CEP85L: variants seen among roughly 807,000 people sequenced by gnomAD.
The protein encoded by CEP85L is centrosomal protein of 85 kDa-like.
A neutral mutation model predicts 100.3 loss-of-function variants in CEP85L; 60 were observed. The ratio of observed to expected loss-of-function variants is 0.60; its 90% CI spans 0.49 to 0.74. The LOEUF (loss-of-function observed/expected upper bound fraction) is 0.74, where lower values mean the gene tolerates loss of function less well. CEP85L is among the 30% of genes least tolerant of loss of function. The pLI is 0.00. For missense variants in CEP85L, 973 were observed against 936.2 expected (o/e 1.04, Z -0.51); for synonymous variants, 319 against 322.7 (o/e 0.99, Z 0.12).
Position 118,461,082 on chromosome 6 carries a change from T to C in CEP85L, c.*4323A>G, listed in dbSNP as rs1473833951. The C allele has an allele frequency of 6.6e-6, 1 of 151,700 alleles. No homozygotes were observed. The highest frequency in any genetic ancestry group is 1.5e-5 in the Non-Finnish European group (1 of 67,924). The allele number at this position is 151,700 out of a possible 1,614,324, so 9.4% of individuals were successfully genotyped here. A position where few individuals can be genotyped will look rare whatever the true frequency, so the allele number is the denominator to read the frequency against. ...AAGTCATGAACACTGTATTTACACA[T>C]GAGGTATTCTGGGTGGTTCAAAAAC... On this transcript the variant is annotated 3_prime_UTR_variant, in exon 13 of 13. Coordinates refer to ENST00000368491, the MANE Select transcript of CEP85L (RefSeq NM_001042475.3).
chr6:118,659,214 A>C (rs971958878), intron 1 of CEP85L, among the ~76,000 whole-genome samples: 12 of 152,198 alleles, frequency 7.9e-5, no homozygotes, highest in Non-Finnish European at 1.8e-4. Flanking sequence ...GCTCACACGG[A>C]ATATGAGATG....
intron 1 of CEP85L, among the ~76,000 whole-genome samples, chr6:118,695,067 T>C (rs1251885342): frequency 6.6e-6 from 1 of 152,206 alleles, no homozygotes; most frequent in African/African-American, 2.4e-5. Context: ...TTCCTTCTAA[T>C]CATTAGAAGC....
At position 118,663,577 on chromosome 6, in the gene CEP85L, G is replaced by T. The variant is rs9374743; in HGVS notation, c.-27-10769C>A. On this transcript the variant is annotated intron_variant, in intron 1 of 13. Transcript: ENST00000368488. ...TTAGGAAGAAACAGCCTAAAGTAAT[G>T]AGTACAGAATTTGTGTCAAAATGAT... Among the ~76,000 whole-genome samples, 14 of 152,296 alleles carry T rather than the reference G, an allele frequency of 9.2e-5. No individual in the cohort carries two copies. The East Asian group carries it at 2.7e-3, about 29-fold the overall frequency.
At chr6:118,480,588 T>G in intron 8 of CEP85L, 75 bp from the exon 9 acceptor site, 1 of 886,430 alleles carries the variant, frequency 1.1e-6, no homozygotes, top group Non-Finnish European at 1.8e-6. Context: ...ACATAAATGA[T>G]TATTGCTTTA....
chr6:118,502,023 A>T, intron 5 of CEP85L: 1 of 839,002 alleles, frequency 1.2e-6, no homozygotes, highest in South Asian at 1.5e-5. Context: ...AATTTGAAAG[A>T]AGAAAACCAG....
chr6:118,579,253 G>A (rs542344211), intron 2 of CEP85L, among the ~76,000 whole-genome samples: 1 of 146,614 alleles, frequency 6.8e-6, no homozygotes, highest in African/African-American at 2.5e-5. Flanking sequence ...TCTCTAGCCA[G>A]ATTACTGCCA....
At chr6:118,537,634 T>C in intron 3 of CEP85L, 1 of 985,384 alleles carries the variant, frequency 1.0e-6, no homozygotes, top group Non-Finnish European at 1.2e-6. Flanking sequence ...TATGAAAAGT[T>C]GCCAAAATAT....
At chr6:118,491,586 A>G (rs550572793) in intron 6 of CEP85L, 100 bp downstream of exon 6, 3 of 1,495,440 alleles carry the variant, frequency 2.0e-6, no homozygotes, top group Non-Finnish European at 2.7e-6. Context: ...ATAAATGTAT[A>G]CATAACCTGG....
intron 2 of CEP85L, among the ~76,000 whole-genome samples, chr6:118,629,749 C>A (rs1239330884): frequency 6.6e-6 from 1 of 152,164 alleles, no homozygotes; most frequent in Non-Finnish European, 1.5e-5. Flanking sequence ...CCTAACCCTT[C>A]CAACAGACTA....
intron 2 of CEP85L, among the ~76,000 whole-genome samples, chr6:118,588,010 G>A (rs1204472047): frequency 6.6e-6 from 1 of 152,162 alleles, no homozygotes; most frequent in Non-Finnish European, 1.5e-5. Context: ...ATCCTCCCAA[G>A]GCATTAGAAG....
chr6:118,544,611 C>A (rs952814381), intron 3 of CEP85L, among the ~76,000 whole-genome samples: 1 of 152,120 alleles, frequency 6.6e-6, no homozygotes. Context: ...ATCCATCTGG[C>A]CTCTCTTAAT....
intron 1 of CEP85L, among the ~76,000 whole-genome samples, chr6:118,696,074 C>T (rs537017183): frequency 8.5e-5 from 13 of 152,226 alleles, no homozygotes; most frequent in African/African-American, 3.1e-4. Context: ...AGTTCGAGAC[C>T]AGCCTAGCCA....
chr6:118,670,309 T>C (rs1776261695), intron 1 of CEP85L, among the ~76,000 whole-genome samples: 1 of 150,680 alleles, frequency 6.6e-6, no homozygotes, highest in Non-Finnish European at 1.5e-5. Flanking sequence ...GGGTTTGGAG[T>C]AAGGATTATT....
intron 6 of CEP85L, among the ~76,000 whole-genome samples, chr6:118,487,218 T>A (rs924247601): frequency 3.3e-5 from 5 of 152,148 alleles, no homozygotes; most frequent in African/African-American, 1.2e-4. Flanking sequence ...AAGATCCTGA[T>A]ACCAGAAACA....
chr6:118,579,517 G>A (rs1182170967), intron 2 of CEP85L, among the ~76,000 whole-genome samples: 2 of 152,192 alleles, frequency 1.3e-5, no homozygotes, highest in African/African-American at 4.8e-5. Flanking sequence ...CAGTTGACCT[G>A]TAGAGAGCTG....
chr6:118,515,732 T>C (rs904719471), intron 4 of CEP85L, among the ~76,000 whole-genome samples: 10 of 152,176 alleles, frequency 6.6e-5, no homozygotes, highest in African/African-American at 2.2e-4. Context: ...TTGTAAGATA[T>C]TGATAAAGAA....
intron 3 of CEP85L, among the ~76,000 whole-genome samples, chr6:118,528,078 A>C (rs1230781461): frequency 6.6e-6 from 1 of 152,168 alleles, no homozygotes; most frequent in Non-Finnish European, 1.5e-5. Context: ...CTATTTCAGT[A>C]AGACAAGTAC....
At chr6:118,620,338 G>A (rs953580122) in intron 2 of CEP85L, among the ~76,000 whole-genome samples, 15 of 152,162 alleles carry the variant, frequency 9.9e-5, no homozygotes, top group African/African-American at 3.6e-4. Context: ...CAGGCCAAAA[G>A]GGAAAAGCAA....
chr6:118,600,298 GGGGTGTGT>G (rs1562297684), intron 2 of CEP85L, among the ~76,000 whole-genome samples: 1,223 of 59,176 alleles, frequency 0.021, 225 homozygotes, highest in Admixed American at 0.072. Context: ...AGCCTTCCTG[GGGGTGTGT>G]GTGTGTGTGT....
Sources: gnomAD v4.1 joint callset for allele counts (sites outside exome capture counted in the v4.1 genomes callset) on GRCh38, gnomAD v4.1.1 for gene constraint, MANE v1.5 for transcripts, NCBI Gene and HGNC (gene_info 2026-07-23, HGNC 2026-07-21) for gene names.